The following C8orf34 variants were observed in gnomAD, a reference collection of about 807,000 sequenced individuals.
C8orf34 encodes the protein uncharacterized protein C8orf34.
C8orf34 carries 65 observed loss-of-function variants against 68.3 expected under a neutral mutation model. The ratio of observed to expected loss-of-function variants is 0.95; its 90% CI spans 0.78 to 1.17. The LOEUF is 1.17. C8orf34 is among the 50% of genes most tolerant of loss of function. C8orf34 has a pLI of 0.00. For synonymous variants in C8orf34, 244 were observed against 241.2 expected (o/e 1.01, Z -0.11); for missense variants, 664 against 655.4 (o/e 1.01, Z -0.14).
rs956446409 is a variant in C8orf34, at chr8:68,535,152, A to C, written c.1105+2003A>C. On this transcript the variant is annotated intron_variant, in intron 7 of 13. Coordinates refer to ENST00000518698, the MANE Select transcript of C8orf34 (RefSeq NM_052958.4). ...ATTTCTTGTTTTTGAAATGGATTCC[A>C]GCAAAATGTATGTGATTGTGTCTAT... 4 of 984,956 alleles carry C rather than the reference A, an allele frequency of 4.1e-6. No individual in the cohort carries two copies. The African/African-American group carries it at 7.0e-5, about 17-fold the overall frequency. The allele number at this position is 984,956 out of a possible 1,614,324, so 61.0% of individuals were successfully genotyped here.
intron 7 of C8orf34, among the ~76,000 whole-genome samples, chr8:68,605,320 T>C (rs1324076272): frequency 6.6e-6 from 1 of 152,126 alleles, no homozygotes; most frequent in Non-Finnish European, 1.5e-5. Flanking sequence ...TAAAACTAAA[T>C]ATACTTTTAC....
chr8:68,619,512 T>C (rs1161454650), intron 7 of C8orf34, among the ~76,000 whole-genome samples: 3 of 152,108 alleles, frequency 2.0e-5, no homozygotes, highest in Non-Finnish European at 4.4e-5. Flanking sequence ...CCAATGTATT[T>C]TTCTAAATTT....
intron 5 of C8orf34, among the ~76,000 whole-genome samples, chr8:68,514,324 T>G (rs1434126253): frequency 2.0e-5 from 3 of 152,214 alleles, no homozygotes; most frequent in Middle Eastern, 3.4e-3. Context: ...GAGGTTTCTC[T>G]AAGGATACCC....
At chr8:68,621,376 GATGTTAT>G (rs1818384145) in intron 7 of C8orf34, among the ~76,000 whole-genome samples, 1 of 152,168 alleles carries the variant, frequency 6.6e-6, no homozygotes, top group Non-Finnish European at 1.5e-5. Context: ...CTACCCAAAT[GATGTTAT>G]AATTGTGGTT....
chr8:68,557,441 T>C (rs1816288563), intron 7 of C8orf34, among the ~76,000 whole-genome samples: 2 of 152,220 alleles, frequency 1.3e-5, no homozygotes, highest in African/African-American at 4.8e-5. Flanking sequence ...GATACCAGAT[T>C]CAAATTACTG....
At chr8:68,404,586 T>C (rs929128310) in intron 1 of C8orf34, among the ~76,000 whole-genome samples, 6 of 152,242 alleles carry the variant, frequency 3.9e-5, no homozygotes, top group African/African-American at 1.4e-4. Flanking sequence ...TTCAGTTTTC[T>C]GCATATGACT....
intron 5 of C8orf34, among the ~76,000 whole-genome samples, chr8:68,490,417 T>C (rs1352292855): frequency 6.6e-6 from 1 of 152,100 alleles, no homozygotes; most frequent in Non-Finnish European, 1.5e-5. Context: ...GAAACAGATA[T>C]AACCCTCACA....
At chr8:68,666,319 T>A (rs964590597) in intron 8 of C8orf34, among the ~76,000 whole-genome samples, 7 of 152,298 alleles carry the variant, frequency 4.6e-5, no homozygotes, top group South Asian at 4.1e-4. Context: ...GAATTTTCCA[T>A]AAGAAAGTAC....
At chr8:68,421,718 T>C (rs2129623654) in intron 1 of C8orf34, among the ~76,000 whole-genome samples, 1 of 152,312 alleles carries the variant, frequency 6.6e-6, no homozygotes, top group East Asian at 1.9e-4. Context: ...AAGTCATCTG[T>C]CTGCAGTGGC....
intron 1 of C8orf34, among the ~76,000 whole-genome samples, chr8:68,429,218 C>T (rs1810351212): frequency 1.3e-5 from 2 of 151,966 alleles, no homozygotes; most frequent in African/African-American, 2.4e-5. Context: ...AAAAGAAAGG[C>T]ATTAAGTAGA....
chr8:68,725,181 C>A (rs1821794818), intron 10 of C8orf34, among the ~76,000 whole-genome samples: 1 of 152,062 alleles, frequency 6.6e-6, no homozygotes, highest in Non-Finnish European at 1.5e-5. Flanking sequence ...ATCTATTTTG[C>A]TGTAAAAGTA....
At chr8:68,545,401 T>A (rs1337595405) in intron 7 of C8orf34, among the ~76,000 whole-genome samples, 1 of 152,116 alleles carries the variant, frequency 6.6e-6, no homozygotes, top group African/African-American at 2.4e-5. Flanking sequence ...GTCACAGGTG[T>A]GTCTTTATTA....
intron 12 of C8orf34, among the ~76,000 whole-genome samples, chr8:68,809,419 T>C (rs1824580574): frequency 6.6e-6 from 1 of 152,142 alleles, no homozygotes; most frequent in Non-Finnish European, 1.5e-5. Flanking sequence ...GACCTCTCTA[T>C]TAGATGAGTT....
At chr8:68,548,372 G>T (rs1045381276) in intron 7 of C8orf34, among the ~76,000 whole-genome samples, 2 of 151,618 alleles carry the variant, frequency 1.3e-5, no homozygotes, top group Non-Finnish European at 3.0e-5. Context: ...AATAGGCAAG[G>T]AAATGTAATA....
At chr8:68,679,776 T>C (rs1362684447) in intron 8 of C8orf34, among the ~76,000 whole-genome samples, 2 of 152,174 alleles carry the variant, frequency 1.3e-5, no homozygotes, top group African/African-American at 4.8e-5. Context: ...AAGAAATTCA[T>C]ACATTTAAAG....
At chr8:68,743,675 C>A (rs931703622) in intron 10 of C8orf34, among the ~76,000 whole-genome samples, 1 of 152,200 alleles carries the variant, frequency 6.6e-6, no homozygotes, top group Non-Finnish European at 1.5e-5. Flanking sequence ...GCTTTCCCGA[C>A]GGGCTTAAAA....
At chr8:68,678,049 T>C (rs1820247512) in intron 8 of C8orf34, among the ~76,000 whole-genome samples, 1 of 152,156 alleles carries the variant, frequency 6.6e-6, no homozygotes, top group African/African-American at 2.4e-5. Context: ...ATTCAGAACC[T>C]AAACAGACCA....
intron 10 of C8orf34, among the ~76,000 whole-genome samples, chr8:68,733,360 G>T (rs1479634578): frequency 6.6e-6 from 1 of 152,116 alleles, no homozygotes; most frequent in African/African-American, 2.4e-5. Flanking sequence ...CCTACTCCAC[G>T]TTCGCCAAAT....
At chr8:68,622,661 G>T (rs1818421957) in intron 7 of C8orf34, among the ~76,000 whole-genome samples, 1 of 152,132 alleles carries the variant, frequency 6.6e-6, no homozygotes, top group Non-Finnish European at 1.5e-5. Flanking sequence ...TGTTAGTCAT[G>T]GTATTTAGTG....
Sources: gnomAD v4.1 joint callset for allele counts (sites outside exome capture counted in the v4.1 genomes callset) on GRCh38, gnomAD v4.1.1 for gene constraint, MANE v1.5 for transcripts, NCBI Gene and HGNC (gene_info 2026-07-23, HGNC 2026-07-21) for gene names.